The following PRIMA1 variants were observed in gnomAD, a reference collection of about 807,000 sequenced individuals.
PRIMA1 encodes proline rich membrane anchor 1, also known as proline-rich membrane anchor 1.
Under a neutral mutation model 17.5 loss-of-function variants are expected in PRIMA1, and 7 were observed. That is an observed-to-expected ratio of 0.40 (90% confidence interval 0.23 to 0.75). The LOEUF (loss-of-function observed/expected upper bound fraction) is 0.75. Among genes scored for constraint, PRIMA1 ranks in the 30% least tolerant of loss-of-function variants. The pLI, the probability that PRIMA1 is intolerant of heterozygous loss-of-function variation, is 0.37. For missense variants in PRIMA1, 200 were observed against 201.8 expected (o/e 0.99, Z 0.05); for synonymous variants, 97 against 77.9 (o/e 1.25, Z -1.29).
At chr14:93,769,712 C>T (rs1885003137) in intron 3 of PRIMA1, among the ~76,000 whole-genome samples, 1 of 152,216 alleles carries the variant, frequency 6.6e-6, no homozygotes, top group Non-Finnish European at 1.5e-5. Flanking sequence ...CCTGGACCTC[C>T]TCTTTTGTTA....
At chr14:93,742,950 G>A (rs1020240592) in intron 3 of PRIMA1, among the ~76,000 whole-genome samples, 6 of 152,244 alleles carry the variant, frequency 3.9e-5, no homozygotes, top group African/African-American at 1.4e-4. Context: ...AGAGCCAGCT[G>A]TTGGAGAGAA....
intron 3 of PRIMA1, among the ~76,000 whole-genome samples, chr14:93,737,838 C>T (rs927949904): frequency 1.3e-5 from 2 of 152,198 alleles, no homozygotes; most frequent in African/African-American, 4.8e-5. Context: ...GCCATCCATC[C>T]TCCCTCGGCA....
Position 93,779,233 on chromosome 14 carries a change from G to GGCCC in PRIMA1, c.171_172insGGGC (p.Pro58GlyfsTer30). ...GGTGGGGGCGGCGGGGGCAGCGGGG[G>GGCCC]AGGGGGCCGGCACTGGCAGACGTGT... On this transcript the variant is annotated frameshift_variant, in exon 3 of 5. Transcript: ENST00000393140. LOFTEE classifies it high-confidence loss of function. The GGCCC allele has an allele frequency of 9.1e-7, 1 of 1,094,112 alleles. No homozygotes were observed. The highest frequency in any genetic ancestry group is 1.3e-6 in the Non-Finnish European group (1 of 775,656). 67.8% of individuals were successfully genotyped at this position (1,094,112 alleles called of 1,614,324 possible).
At chr14:93,775,432 GA>G (rs1440409281) in intron 3 of PRIMA1, among the ~76,000 whole-genome samples, 1 of 152,234 alleles carries the variant, frequency 6.6e-6, no homozygotes, top group Admixed American at 6.5e-5. Flanking sequence ...TGCCCTCTGG[GA>G]GACATGAATT....
chr14:93,748,037 G>T (rs11623732), intron 3 of PRIMA1, among the ~76,000 whole-genome samples: 18 of 35,392 alleles, frequency 5.1e-4, no homozygotes, highest in African/African-American at 1.8e-3. Context: ...ACTGTGTGTG[G>T]GAGTGTGTGA....
At chr14:93,757,294 G>A (rs1396125386) in intron 3 of PRIMA1, among the ~76,000 whole-genome samples, 1 of 152,128 alleles carries the variant, frequency 6.6e-6, no homozygotes, top group African/African-American at 2.4e-5. Flanking sequence ...CCGCACTTGA[G>A]AACCATCAGC....
intron 3 of PRIMA1, among the ~76,000 whole-genome samples, chr14:93,752,025 C>T (rs1358538653): frequency 2.0e-5 from 3 of 152,152 alleles, no homozygotes; most frequent in Non-Finnish European, 4.4e-5. Flanking sequence ...TTTCCACCAT[C>T]GCAGAAAGTG....
At chr14:93,746,002 C>G (rs1326308301) in intron 3 of PRIMA1, among the ~76,000 whole-genome samples, 1 of 152,202 alleles carries the variant, frequency 6.6e-6, no homozygotes, top group Non-Finnish European at 1.5e-5. Flanking sequence ...CCCCATCCTT[C>G]CCCTTCTCCC....
intron 3 of PRIMA1, among the ~76,000 whole-genome samples, chr14:93,742,624 C>G (rs1187899560): frequency 6.6e-6 from 1 of 152,090 alleles, no homozygotes; most frequent in Non-Finnish European, 1.5e-5. Flanking sequence ...GACGTGTGGA[C>G]CCACCCAAGG....
At position 93,737,231 on chromosome 14, in the gene PRIMA1, G is replaced by A. The variant is rs200836391; in HGVS notation, c.359+10C>T. ...CGGCTTGAAGCTGGGTGCAGTGAGT[G>A]AGCACTCACCTTTTTATGGCTTTGT... is the stretch of plus-strand genomic sequence containing the variant. On this transcript the variant is annotated intron_variant, in intron 4 of 4. Transcript: ENST00000393140. 2.5e-6 allele frequency: 4 copies of A among 1,614,008 alleles called. No homozygotes were observed. The highest frequency in any genetic ancestry group is 3.4e-6 in the Non-Finnish European group (4 of 1,179,944).
chr14:93,774,041 G>A (rs1000144402), intron 3 of PRIMA1, among the ~76,000 whole-genome samples: 27 of 152,026 alleles, frequency 1.8e-4, no homozygotes, highest in Non-Finnish European at 7.3e-5. Flanking sequence ...GCAGTGAGCC[G>A]AGATCACAGC....
chr14:93,768,995 G>A (rs1884975500), intron 3 of PRIMA1, among the ~76,000 whole-genome samples: 1 of 3,426 alleles, frequency 2.9e-4, no homozygotes, highest in African/African-American at 6.1e-4. Flanking sequence ...TAAAAGGCCA[G>A]TGATTACAGG....
At chr14:93,769,487 A>G (rs1315460720) in intron 3 of PRIMA1, among the ~76,000 whole-genome samples, 1 of 152,242 alleles carries the variant, frequency 6.6e-6, no homozygotes, top group Non-Finnish European at 1.5e-5. Context: ...TGAGCTGGGC[A>G]TGAACACAGC....
At chr14:93,743,165 C>T (rs1324659776) in intron 3 of PRIMA1, among the ~76,000 whole-genome samples, 1 of 152,234 alleles carries the variant, frequency 6.6e-6, no homozygotes, top group Non-Finnish European at 1.5e-5. Flanking sequence ...GCTTTATCCA[C>T]TGCTGGGTCT....
intron 3 of PRIMA1, among the ~76,000 whole-genome samples, chr14:93,740,205 T>C (rs574558033): frequency 3.3e-5 from 5 of 152,138 alleles, no homozygotes; most frequent in African/African-American, 1.2e-4. Context: ...ATACAGAATA[T>C]AGCATTGAAA....
intron 3 of PRIMA1, among the ~76,000 whole-genome samples, chr14:93,753,893 C>T (rs932598346): frequency 6.6e-6 from 1 of 152,190 alleles, no homozygotes; most frequent in African/African-American, 2.4e-5. Flanking sequence ...CCTTTCCCTT[C>T]ATAACAGATG....
chr14:93,756,684 G>C (rs974611305), intron 3 of PRIMA1, among the ~76,000 whole-genome samples: 1 of 151,990 alleles, frequency 6.6e-6, no homozygotes, highest in Non-Finnish European at 1.5e-5. Flanking sequence ...ATCCAGCTGC[G>C]ACTCAGTGTC....
chr14:93,786,383 G>A (rs1268433424), intron 2 of PRIMA1, among the ~76,000 whole-genome samples: 1 of 152,190 alleles, frequency 6.6e-6, no homozygotes, highest in Non-Finnish European at 1.5e-5. Context: ...GGAGTAGGGG[G>A]TGCTGAGCAG....
At chr14:93,776,535 C>A (rs1885226449) in intron 3 of PRIMA1, among the ~76,000 whole-genome samples, 1 of 152,184 alleles carries the variant, frequency 6.6e-6, no homozygotes, top group South Asian at 2.1e-4. Context: ...GCCAGCTCAA[C>A]CCCAATCCAC....
Sources: gnomAD v4.1 joint callset for allele counts (sites outside exome capture counted in the v4.1 genomes callset) on GRCh38, gnomAD v4.1.1 for gene constraint, MANE v1.5 for transcripts, NCBI Gene and HGNC (gene_info 2026-07-23, HGNC 2026-07-21) for gene names.